The following TNPO1 variants were observed in gnomAD, a reference collection of about 807,000 sequenced individuals.
TNPO1 encodes transportin-1.
Under a neutral mutation model 119.5 loss-of-function variants are expected in TNPO1, and 8 were observed. The ratio of observed to expected loss-of-function variants is 0.07; its 90% CI spans 0.04 to 0.12. The LOEUF is 0.12. Ranked by LOEUF, TNPO1 falls within the 10% of genes least tolerant of loss-of-function variation. The pLI is 1.00. For synonymous variants in TNPO1, 362 were observed against 363.0 expected (o/e 1.00, Z 0.03); for missense variants, 576 against 1,089.8 (o/e 0.53, Z 6.64).
At chr5:72,887,461 G>A (rs1225031214) in intron 12 of TNPO1, among the ~76,000 whole-genome samples, 3 of 152,176 alleles carry the variant, frequency 2.0e-5, no homozygotes, top group Non-Finnish European at 2.9e-5. Context: ...AGGCTTAGGC[G>A]GGTGGATTAC....
Position 72,893,474 on chromosome 5 carries a change from G to A in TNPO1, c.1994G>A (p.Gly665Asp), listed in dbSNP as rs1749209634. 1.2e-6 allele frequency: 2 copies of A among 1,614,080 alleles called. No homozygotes were observed. The highest frequency in any genetic ancestry group is 2.2e-5 in the East Asian group (1 of 44,884). Residue 665 changes from glycine (G) to aspartate (D), a missense_variant, in exon 17 of 25, where the codon GGC becomes GAC. Coordinates refer to ENST00000337273, the MANE Select transcript of TNPO1 (RefSeq NM_002270.4). ...AGTGGCCTGGCTGAAGGACTTGGAGGCAACATTGAACAGCTGGTAGCCCGA... is the reference window on the plus strand; with the variant it reads ...AGTGGCCTGGCTGAAGGACTTGGAGACAACATTGAACAGCTGGTAGCCCGA... ...LLSGLAEGLG[G>D]NIEQLVARSN...
chr5:72,816,867 C>T, intron 1 of TNPO1, 115 bp downstream of exon 1: 2 of 1,321,670 alleles, frequency 1.5e-6, no homozygotes, highest in South Asian at 2.9e-5. Context: ...GCTCTCTCGG[C>T]GCCTGCCCGG....
At chr5:72,851,663 T>G (rs1180170159) in intron 3 of TNPO1, among the ~76,000 whole-genome samples, 6 of 152,192 alleles carry the variant, frequency 3.9e-5, no homozygotes, top group South Asian at 2.1e-4. Context: ...AGCTAATTTT[T>G]TTGTATTTTT....
At position 72,855,919 on chromosome 5, in the gene TNPO1, T is replaced by G; in HGVS notation, c.351T>G (p.Thr117=). The stretch of plus-strand genomic sequence containing the variant: ...ACTCCTCTCCTCTGATTAGAGCCAC[T>G]GTTGGTAAGTTATATTACAACAGTT... ...IGDSSPLIRA[T]VGILITTIAS... The change falls in exon 4 of 25, where the codon ACT becomes ACG. Residue 117 remains threonine (T), a synonymous_variant. Transcript: ENST00000337273. 1 of 1,613,272 alleles carries G rather than the reference T, an allele frequency of 6.2e-7. No individual in the cohort carries two copies. The highest frequency in any genetic ancestry group is 8.5e-7 in the Non-Finnish European group (1 of 1,179,668).
In TNPO1 at chr5:72,848,458, C is replaced by T; in HGVS notation, c.89C>T (p.Ser30Phe). The T allele has an allele frequency of 6.2e-7, 1 of 1,611,682 alleles. No individual in the cohort carries two copies. Among genetic ancestry groups the T allele is most frequent in the Non-Finnish European group, 8.5e-7 (1 of 1,178,770 alleles). The change falls in exon 2 of 25, where the codon TCC becomes TTC. Residue 30 changes from serine to phenylalanine, a missense_variant. Physicochemically the swap from Ser to Phe is radical, Grantham distance 155 (BLOSUM62 -2). Coordinates refer to ENST00000337273, the MANE Select transcript of TNPO1 (RefSeq NM_002270.4). ...LQQILQLLKE[S>F]QSPDTTIQRT... is the part of the protein sequence containing the mutation. ...CAAATCCTGCAGCTGTTGAAGGAGT[C>T]CCAGTCCCCAGACACCACCATCCAG...
intron 6 of TNPO1, among the ~76,000 whole-genome samples, chr5:72,871,062 C>T (rs1036496078): frequency 5.9e-5 from 9 of 152,014 alleles, no homozygotes; most frequent in South Asian, 2.1e-4. Context: ...CTCCGCTGCC[C>T]GGGTTCAAGC....
At chr5:72,871,357 C>G (rs1015781684) in intron 6 of TNPO1, among the ~76,000 whole-genome samples, 8 of 152,184 alleles carry the variant, frequency 5.3e-5, no homozygotes, top group African/African-American at 1.9e-4. Flanking sequence ...AGGGGTTGAG[C>G]TCCCCATAGT....
Position 72,888,076 on chromosome 5 carries a change from A to T in TNPO1, c.1304-2A>T, listed in dbSNP as rs1384292576. ...ATTTTGAAAGATTTATTTTTTTTCT[A>T]GGTTGCATGCAGGGCATGATTCCAT... On this transcript the variant is annotated splice_acceptor_variant, in intron 12 of 24. Coordinates refer to ENST00000337273, the MANE Select transcript of TNPO1 (RefSeq NM_002270.4). LOFTEE classifies it high-confidence loss of function. The T allele has an allele frequency of 6.2e-7, 1 of 1,602,178 alleles. No individual in the cohort carries two copies. The highest frequency in any genetic ancestry group is 1.1e-5 in the South Asian group (1 of 88,252).
At chr5:72,865,949 G>T (rs932831752) in intron 6 of TNPO1, among the ~76,000 whole-genome samples, 1 of 152,188 alleles carries the variant, frequency 6.6e-6, no homozygotes, top group Non-Finnish European at 1.5e-5. Context: ...TAAAAGTTTT[G>T]TGCCTTTTAC....
chr5:72,876,651 G>T (rs532996168), intron 8 of TNPO1, among the ~76,000 whole-genome samples: 1 of 152,008 alleles, frequency 6.6e-6, no homozygotes, highest in East Asian at 1.9e-4. Flanking sequence ...CTTAATATTT[G>T]ATTAACATTC....
chr5:72,891,045 T>C (rs759182728), intron 14 of TNPO1, among the ~76,000 whole-genome samples: 1 of 152,034 alleles, frequency 6.6e-6, no homozygotes, highest in Non-Finnish European at 1.5e-5. Flanking sequence ...AGTTTTGCCA[T>C]GTTGCCCAGG....
At chr5:72,828,235 G>C (rs1014714730) in intron 1 of TNPO1, among the ~76,000 whole-genome samples, 1 of 151,952 alleles carries the variant, frequency 6.6e-6, no homozygotes, top group African/African-American at 2.4e-5. Context: ...AGAAGTTGTT[G>C]GGTTTGGCAC....
intron 9 of TNPO1, chr5:72,879,187 C>T: frequency 5.5e-6 from 1 of 182,084 alleles, no homozygotes; most frequent in East Asian, 1.4e-4. Flanking sequence ...TCCAGACATA[C>T]TTCCTTTTAG....
intron 6 of TNPO1, among the ~76,000 whole-genome samples, chr5:72,870,431 G>C (rs1029286211): frequency 1.3e-5 from 2 of 152,050 alleles, no homozygotes; most frequent in African/African-American, 4.8e-5. Context: ...CAGAGTGCTG[G>C]GATTACAGGC....
intron 10 of TNPO1, 30 bp downstream of exon 10, chr5:72,882,557 C>T: frequency 1.3e-6 from 2 of 1,516,068 alleles, no homozygotes; most frequent in Non-Finnish European, 1.8e-6. Flanking sequence ...GAATAGGGAA[C>T]AAGATTTTTA....
chr5:72,828,254 T>TC (rs1281078872), intron 1 of TNPO1, among the ~76,000 whole-genome samples: 1 of 152,094 alleles, frequency 6.6e-6, no homozygotes, highest in African/African-American at 2.4e-5. Flanking sequence ...ACCATGGAAA[T>TC]CTCTCAGTGG....
At chr5:72,902,151 T>TA (rs1749845061) in intron 22 of TNPO1, among the ~76,000 whole-genome samples, 1 of 152,082 alleles carries the variant, frequency 6.6e-6, no homozygotes, top group African/African-American at 2.4e-5. Flanking sequence ...ACAAGAGTTA[T>TA]AAAACTGCCC....
intron 6 of TNPO1, among the ~76,000 whole-genome samples, chr5:72,867,946 T>C (rs1418727301): frequency 1.3e-5 from 2 of 152,218 alleles, no homozygotes; most frequent in African/African-American, 2.4e-5. Flanking sequence ...TTTGCTATCA[T>C]TAATGATGTT....
chr5:72,837,861 T>A (rs1359489677), intron 1 of TNPO1, among the ~76,000 whole-genome samples: 1 of 152,210 alleles, frequency 6.6e-6, no homozygotes, highest in African/African-American at 2.4e-5. Flanking sequence ...ACAGCGTCAA[T>A]AATTAACAGA....
Sources: gnomAD v4.1 joint callset for allele counts (sites outside exome capture counted in the v4.1 genomes callset) on GRCh38, gnomAD v4.1.1 for gene constraint, MANE v1.5 for transcripts, NCBI Gene and HGNC (gene_info 2026-07-23, HGNC 2026-07-21) for gene names.